The following CAPZB variants were observed in gnomAD, a reference collection of about 807,000 sequenced individuals.
CAPZB encodes the protein F-actin-capping protein subunit beta.
Under a neutral mutation model 38.1 loss-of-function variants are expected in CAPZB, and 2 were observed. That is an observed-to-expected ratio of 0.05 (90% CI 0.02 to 0.17). The LOEUF is 0.17. Among genes scored for constraint, CAPZB ranks in the 10% least tolerant of loss-of-function variants. CAPZB has a pLI of 1.00. For synonymous variants in CAPZB, 107 were observed against 127.4 expected, an observed-to-expected ratio of 0.84 and a Z score of 1.08; for missense variants, 161 against 334.2, an observed-to-expected ratio of 0.48 and a Z score of 4.04.
intron 1 of CAPZB, among the ~76,000 whole-genome samples, chr1:19,449,754 A>G (rs1185257841): frequency 6.7e-6 from 1 of 148,428 alleles, no homozygotes; most frequent in Non-Finnish European, 1.5e-5. Context: ...ACTGCACTCT[A>G]GCCTGGTTGA....
chr1:19,390,757 GAC>G (rs2094229516), intron 2 of CAPZB, among the ~76,000 whole-genome samples: 2 of 152,198 alleles, frequency 1.3e-5, no homozygotes, highest in African/African-American at 4.8e-5. Context: ...GTAAGGGAGA[GAC>G]TAGGATGCCA....
At chr1:19,376,904 C>G (rs554283045) in intron 4 of CAPZB, among the ~76,000 whole-genome samples, 16 of 152,270 alleles carry the variant, frequency 1.1e-4, no homozygotes, top group African/African-American at 3.9e-4. Flanking sequence ...CTCTGTGAAC[C>G]TGGGTAAGTT....
At chr1:19,458,131 A>G (rs537078767) in intron 1 of CAPZB, among the ~76,000 whole-genome samples, 199 of 151,272 alleles carry the variant, frequency 1.3e-3, no homozygotes, top group African/African-American at 4.5e-3. Flanking sequence ...AAACTGGTGC[A>G]AGTGACTTTT....
chr1:19,354,505 G>A (rs1483736404), intron 6 of CAPZB, among the ~76,000 whole-genome samples: 5 of 152,188 alleles, frequency 3.3e-5, no homozygotes, highest in Non-Finnish European at 7.3e-5. Context: ...TGTGGTGATC[G>A]GCCGTTAGAA....
At chr1:19,456,569 C>T (rs1404053237) in intron 1 of CAPZB, among the ~76,000 whole-genome samples, 1 of 152,068 alleles carries the variant, frequency 6.6e-6, no homozygotes, top group Non-Finnish European at 1.5e-5. Context: ...GAACTATCCC[C>T]CTACCCATGC....
chr1:19,431,386 T>C (rs1018371162), intron 1 of CAPZB, among the ~76,000 whole-genome samples: 4 of 152,192 alleles, frequency 2.6e-5, no homozygotes, highest in Middle Eastern at 3.2e-3. Context: ...AGTTTAATCA[T>C]CAGTCAAAAT....
At chr1:19,455,986 T>C (rs956141515) in intron 1 of CAPZB, among the ~76,000 whole-genome samples, 1 of 152,180 alleles carries the variant, frequency 6.6e-6, no homozygotes, top group Non-Finnish European at 1.5e-5. Context: ...CGATCTCAGC[T>C]CTGCAACCTC....
intron 2 of CAPZB, among the ~76,000 whole-genome samples, chr1:19,392,289 T>C: frequency 6.6e-6 from 1 of 150,384 alleles, no homozygotes; most frequent in African/African-American, 2.5e-5. Flanking sequence ...GGCACAGAGA[T>C]GACATGTGAA....
At chr1:19,369,867 G>C (rs2094110808) in intron 4 of CAPZB, among the ~76,000 whole-genome samples, 1 of 152,196 alleles carries the variant, frequency 6.6e-6, no homozygotes, top group Non-Finnish European at 1.5e-5. Context: ...GAGTCCGCAG[G>C]CCTGGCCGTT....
At chr1:19,406,324 G>A (rs539614696) in intron 2 of CAPZB, among the ~76,000 whole-genome samples, 1 of 152,302 alleles carries the variant, frequency 6.6e-6, no homozygotes, top group East Asian at 1.9e-4. Flanking sequence ...CTGCTTGGCA[G>A]CTGGCAGCTG....
intron 4 of CAPZB, among the ~76,000 whole-genome samples, chr1:19,358,206 C>T (rs758660763): frequency 6.1e-4 from 93 of 152,222 alleles, no homozygotes; most frequent in Non-Finnish European, 1.2e-3. Flanking sequence ...GGCACCATCT[C>T]GGCTCACTGC....
intron 2 of CAPZB, among the ~76,000 whole-genome samples, chr1:19,395,260 C>T (rs2094260595): frequency 6.6e-6 from 1 of 152,154 alleles, no homozygotes; most frequent in South Asian, 2.1e-4. Context: ...AGAGGGCCAA[C>T]ATTAGGAAGC....
At chr1:19,411,208 GTTTAA>G (rs1455686975) in intron 2 of CAPZB, among the ~76,000 whole-genome samples, 1 of 151,976 alleles carries the variant, frequency 6.6e-6, no homozygotes, top group Non-Finnish European at 1.5e-5. Context: ...TATTTTCTAT[GTTTAA>G]TTTAAAAAGA....
chr1:19,439,949 C>T (rs1462709181), intron 1 of CAPZB, among the ~76,000 whole-genome samples: 1 of 152,236 alleles, frequency 6.6e-6, no homozygotes, highest in African/African-American at 2.4e-5. Flanking sequence ...AGCAGTCTCT[C>T]TGGCTGCCAT....
At chr1:19,349,723 C>T (rs1318207785) in intron 6 of CAPZB, among the ~76,000 whole-genome samples, 1 of 152,128 alleles carries the variant, frequency 6.6e-6, no homozygotes, top group Non-Finnish European at 1.5e-5. Context: ...ACACAGGCCC[C>T]CTCAGCCCAT....
At chr1:19,428,560 T>TA (rs913007819) in intron 1 of CAPZB, among the ~76,000 whole-genome samples, 3 of 152,198 alleles carry the variant, frequency 2.0e-5, no homozygotes, top group African/African-American at 4.8e-5. Flanking sequence ...GTCTCTCCTT[T>TA]AAAAAAATTC....
At chr1:19,459,350 A>G (rs2094543153) in intron 1 of CAPZB, among the ~76,000 whole-genome samples, 1 of 152,228 alleles carries the variant, frequency 6.6e-6, no homozygotes, top group South Asian at 2.1e-4. Context: ...GTAGAATGAA[A>G]AGTCGTTAAA....
intron 2 of CAPZB, among the ~76,000 whole-genome samples, chr1:19,413,473 A>G (rs1174005965): frequency 6.6e-6 from 1 of 152,206 alleles, no homozygotes; most frequent in East Asian, 1.9e-4. Flanking sequence ...AACTGGGACC[A>G]CAGGCGCATG....
At chr1:19,385,719 A>C in intron 2 of CAPZB, 93 bp from the exon 3 acceptor site, 4 of 1,490,746 alleles carry the variant, frequency 2.7e-6, no homozygotes, top group Non-Finnish European at 3.7e-6. Flanking sequence ...TGTGGTCAGT[A>C]CCTTTAACAT....
Sources: allele counts gnomAD v4.1 joint callset (sites outside exome capture counted in the v4.1 genomes callset), GRCh38; gene constraint gnomAD v4.1.1; transcripts MANE v1.5; gene names NCBI Gene and HGNC (gene_info 2026-07-23, HGNC 2026-07-21).